Variants in ELP4 observed in about 807,000 individuals in gnomAD.
The protein encoded by ELP4 is elongator complex protein 4.
A neutral mutation model predicts 48.9 loss-of-function variants in ELP4; 51 were observed. That is an observed-to-expected ratio of 1.04 (90% CI 0.83 to 1.32). The LOEUF (loss-of-function observed/expected upper bound fraction) is 1.32, where lower values mean the gene tolerates loss of function less well. Ranked by LOEUF, ELP4 falls within the 40% of genes most tolerant of loss-of-function variation. ELP4 has a pLI of 0.00. For synonymous variants in ELP4, 210 were observed against 189.2 expected (o/e 1.11, Z -0.90); for missense variants, 519 against 514.6 (o/e 1.01, Z -0.08).
intron 9 of ELP4, among the ~76,000 whole-genome samples, chr11:31,687,193 G>T (rs927140020): frequency 6.6e-6 from 1 of 152,140 alleles, no homozygotes; most frequent in Non-Finnish European, 1.5e-5. Flanking sequence ...CATATAGGTG[G>T]ATATAGCCTT....
At chr11:31,615,674 C>T (rs2134019280) in intron 5 of ELP4, among the ~76,000 whole-genome samples, 1 of 152,052 alleles carries the variant, frequency 6.6e-6, no homozygotes, top group African/African-American at 2.4e-5. Context: ...ATGTAGGCCC[C>T]TAAATGAACA....
At chr11:31,781,003 T>G (rs923835971) in intron 9 of ELP4, among the ~76,000 whole-genome samples, 1 of 152,238 alleles carries the variant, frequency 6.6e-6, no homozygotes, top group Non-Finnish European at 1.5e-5. Context: ...AACTGTGATT[T>G]CTGGTTTGTG....
At chr11:31,746,710 G>A (rs1032821220) in intron 9 of ELP4, among the ~76,000 whole-genome samples, 12 of 152,052 alleles carry the variant, frequency 7.9e-5, no homozygotes, top group Admixed American at 4.6e-4. Context: ...GACACAGGAA[G>A]GGGAACATCA....
intron 9 of ELP4, among the ~76,000 whole-genome samples, chr11:31,679,996 C>T (rs1946023216): frequency 6.6e-6 from 1 of 152,184 alleles, no homozygotes; most frequent in African/African-American, 2.4e-5. Flanking sequence ...GATTTTCCTA[C>T]TCTTTTGGTA....
chr11:31,653,094 T>G lies in ELP4; in HGVS notation c.1143+2873T>G, dbSNP rs553415920. ...ATTTCTTCCTTCTCAGAGTATATGT[T>G]GGTATTGTCCAGATTCAAGTGAAAA... On this transcript the variant is annotated intron_variant, in intron 9 of 9. Transcript: ENST00000640961. 49 of 151,848 alleles carry G rather than the reference T, an allele frequency of 3.2e-4. 1 individual carries two copies. Among genetic ancestry groups the G allele is most frequent in the African/African-American group, 1.2e-3 (49 of 41,510 alleles). The allele number at this position is 151,848 out of a possible 1,614,324, so 9.4% of individuals were successfully genotyped here. A position where few individuals can be genotyped will look rare whatever the true frequency, so the allele number is the denominator to read the frequency against.
intron 3 of ELP4, among the ~76,000 whole-genome samples, chr11:31,583,403 C>G (rs1353620910): frequency 6.6e-6 from 1 of 152,064 alleles, no homozygotes; most frequent in Non-Finnish European, 1.5e-5. Flanking sequence ...ACCTAAATTT[C>G]TAACAGTAGA....
At chr11:31,725,887 A>G (rs1947065573) in intron 9 of ELP4, among the ~76,000 whole-genome samples, 1 of 152,152 alleles carries the variant, frequency 6.6e-6, no homozygotes, top group Non-Finnish European at 1.5e-5. Flanking sequence ...CGTTATATTT[A>G]TATGCTGATA....
intron 5 of ELP4, among the ~76,000 whole-genome samples, chr11:31,617,061 G>A (rs1360264997): frequency 4.6e-5 from 7 of 151,930 alleles, no homozygotes. Context: ...CCCACTTCTA[G>A]GTATATGTCC....
intron 9 of ELP4, among the ~76,000 whole-genome samples, chr11:31,700,193 A>AGTATATG (rs1946492215): frequency 6.6e-6 from 1 of 151,984 alleles, no homozygotes; most frequent in Non-Finnish European, 1.5e-5. Context: ...TTATGGGTAT[A>AGTATATG]CGTATATGCT....
chr11:31,594,566 T>C (rs994414335), intron 3 of ELP4, among the ~76,000 whole-genome samples: 3 of 152,136 alleles, frequency 2.0e-5, no homozygotes, highest in African/African-American at 7.2e-5. Context: ...TCCAGTTTAT[T>C]GCTAAAAAGT....
rs1318749868 is a variant in ELP4, at chr11:31,550,801, G to A, written c.381+11018G>A. On this transcript the variant is annotated intron_variant, in intron 3 of 9. Coordinates refer to ENST00000640961, the MANE Select transcript of ELP4 (RefSeq NM_019040.5). ...ATCTTTGGATACATTTCTCAAAACA[G>A]TCATAATAAGCAGATGTTGTTCTTT... 3.3e-5 allele frequency among the ~76,000 whole-genome samples: 5 copies of A among 152,234 alleles called. No individual in the cohort carries two copies. In the East Asian group the frequency reaches 9.7e-4, roughly 29 times the overall value.
intron 2 of ELP4, among the ~76,000 whole-genome samples, chr11:31,521,810 T>C (rs1241263699): frequency 2.0e-5 from 3 of 152,178 alleles, no homozygotes; most frequent in Admixed American, 1.3e-4. Flanking sequence ...TCAGTTTATA[T>C]AGTTGTAGCA....
At chr11:31,771,981 C>CT (rs1948155012) in intron 9 of ELP4, among the ~76,000 whole-genome samples, 1 of 151,110 alleles carries the variant, frequency 6.6e-6, no homozygotes, top group African/African-American at 2.4e-5. Flanking sequence ...GACTCCGTCT[C>CT]TAAAAAAAAA....
chr11:31,760,634 C>G (rs1317131585), intron 9 of ELP4, among the ~76,000 whole-genome samples: 1 of 152,160 alleles, frequency 6.6e-6, no homozygotes, highest in African/African-American at 2.4e-5. Context: ...GCATATTTCA[C>G]TTCATGTCAA....
intron 9 of ELP4, among the ~76,000 whole-genome samples, chr11:31,752,000 A>T (rs992527245): frequency 3.3e-5 from 5 of 152,230 alleles, no homozygotes; most frequent in African/African-American, 1.2e-4. Flanking sequence ...AACTGAGGGA[A>T]AAAAAGCTAT....
chr11:31,581,904 C>T (rs942491133), intron 3 of ELP4, among the ~76,000 whole-genome samples: 1 of 152,066 alleles, frequency 6.6e-6, no homozygotes, highest in African/African-American at 2.4e-5. Context: ...AGGCATGCCC[C>T]ACCATCCCTG....
chr11:31,526,231 C>T (rs1029701401), intron 2 of ELP4, among the ~76,000 whole-genome samples: 2 of 152,058 alleles, frequency 1.3e-5, no homozygotes, highest in Admixed American at 6.6e-5. Flanking sequence ...AGCTGAGATT[C>T]ACAATCAAAT....
At chr11:31,671,484 T>C (rs1945805718) in intron 9 of ELP4, among the ~76,000 whole-genome samples, 1 of 152,196 alleles carries the variant, frequency 6.6e-6, no homozygotes, top group Non-Finnish European at 1.5e-5. Context: ...GCATTACACA[T>C]AATATCAGAG....
chr11:31,580,978 C>G (rs1957380910), intron 3 of ELP4, among the ~76,000 whole-genome samples: 1 of 152,188 alleles, frequency 6.6e-6, no homozygotes, highest in African/African-American at 2.4e-5. Context: ...CTTATTCAGT[C>G]AAATATTATA....
Sources: allele counts gnomAD v4.1 joint callset (sites outside exome capture counted in the v4.1 genomes callset), GRCh38; gene constraint gnomAD v4.1.1; transcripts MANE v1.5; gene names NCBI Gene and HGNC (gene_info 2026-07-23, HGNC 2026-07-21).